The following PAX5 variants were observed in gnomAD, a reference collection of about 807,000 sequenced individuals.
The protein encoded by PAX5 is paired box protein Pax-5.
Under a neutral mutation model 43.7 loss-of-function variants are expected in PAX5, and 9 were observed. The observed-to-expected ratio is 0.21, with a 90% CI of 0.12 to 0.36. The LOEUF is 0.36. Ranked by LOEUF, PAX5 falls within the 10% of genes least tolerant of loss-of-function variation. PAX5 has a pLI of 1.00. For missense variants in PAX5, 383 were observed against 532.7 expected, an observed-to-expected ratio of 0.72 and a Z score of 2.77; for synonymous variants, 228 against 214.3, an observed-to-expected ratio of 1.06 and a Z score of -0.56.
At chr9:36,946,118 T>C (rs1406627880) in intron 6 of PAX5, among the ~76,000 whole-genome samples, 1 of 151,714 alleles carries the variant, frequency 6.6e-6, no homozygotes, top group Non-Finnish European at 1.5e-5. Context: ...AGGAAGCGAC[T>C]CCCTGAGGAG....
intron 5 of PAX5, among the ~76,000 whole-genome samples, chr9:36,982,146 G>A (rs1034973538): frequency 3.9e-5 from 6 of 152,106 alleles, no homozygotes; most frequent in African/African-American, 1.4e-4. Flanking sequence ...ACACCTGTAG[G>A]CCCAGCTACT....
At chr9:36,948,922 T>C (rs891205771) in intron 6 of PAX5, among the ~76,000 whole-genome samples, 5 of 152,174 alleles carry the variant, frequency 3.3e-5, no homozygotes, top group Admixed American at 2.6e-4. Context: ...ACCTCTGATG[T>C]GGCAGAACAC....
intron 9 of PAX5, among the ~76,000 whole-genome samples, chr9:36,845,020 G>T (rs892849690): frequency 1.3e-5 from 2 of 152,214 alleles, no homozygotes; most frequent in Non-Finnish European, 2.9e-5. Flanking sequence ...GTGCAGCCCC[G>T]TGCCAGGGCT....
At chr9:37,007,777 T>G (rs1341804565) in intron 3 of PAX5, 1 of 152,248 alleles carries the variant, frequency 6.6e-6, no homozygotes, top group African/African-American at 2.4e-5. Context: ...AAAACGGTAT[T>G]TTGGTGTATT....
At chr9:36,991,126 A>G in intron 5 of PAX5, among the ~76,000 whole-genome samples, 1 of 139,620 alleles carries the variant, frequency 7.2e-6, no homozygotes, top group African/African-American at 2.6e-5. Context: ...AAAAAAAAAA[A>G]AATTCCAGCA....
Position 36,833,958 on chromosome 9 carries a change from G to A in PAX5, c.*6602C>T. The A allele has an allele frequency of 4.3e-6, 1 of 232,750 alleles. No homozygotes were observed. The highest frequency in any genetic ancestry group is 8.5e-6 in the Non-Finnish European group (1 of 117,896). 14.4% of individuals were successfully genotyped at this position (232,750 alleles called of 1,614,324 possible). A position where few individuals can be genotyped will look rare whatever the true frequency, so the allele number is the denominator to read the frequency against. ...ATATGTATTTCTTTGATGCTGAAAGGTCAGTCCCTAAGACAAAATCAAATG... is the reference window on the plus strand; with the variant it reads ...ATATGTATTTCTTTGATGCTGAAAGATCAGTCCCTAAGACAAAATCAAATG... On this transcript the variant is annotated 3_prime_UTR_variant, in exon 10 of 10. Coordinates refer to ENST00000358127, the MANE Select transcript of PAX5 (RefSeq NM_016734.3).
intron 7 of PAX5, among the ~76,000 whole-genome samples, chr9:36,904,268 C>G (rs1828631233): frequency 6.6e-6 from 1 of 152,140 alleles, no homozygotes; most frequent in Admixed American, 6.5e-5. Flanking sequence ...GAAACCAACT[C>G]TGGGGGAAGA....
intron 6 of PAX5, among the ~76,000 whole-genome samples, chr9:36,931,381 T>G (rs1217748497): frequency 6.6e-6 from 1 of 152,212 alleles, no homozygotes; most frequent in Non-Finnish European, 1.5e-5. Context: ...GCTCTTTGCC[T>G]CTATCACTGG....
At position 37,002,730 on chromosome 9, in the gene PAX5, C is replaced by A; in HGVS notation, c.522G>T (p.Ser174=). 6.2e-7 allele frequency: 1 copy of A among 1,610,520 alleles called. No individual in the cohort carries two copies. Among genetic ancestry groups the A allele is most frequent in the Non-Finnish European group, 8.5e-7 (1 of 1,178,882 alleles). ...VTQVSSVSTD[S]AGSSYSISGI... ...CGCTGATGGAGTACGACGAGCCGGC[C>A]GAATCCGTGCTCACCGAGGACACCT... The change falls in exon 5 of 10, where the codon TCG becomes TCT. Residue 174 remains serine (S), a synonymous_variant. Coordinates refer to ENST00000358127, the MANE Select transcript of PAX5 (RefSeq NM_016734.3).
rs1821799685 is a variant in PAX5, at chr9:36,838,485, GT to G, written c.*2074del. Reference sequence around the variant, plus strand: ...GTTTTCTCTTCTGTTCCACCACCCTGTGGGGGACTTAGGGAACAAAATACTT... The same window carrying G: ...GTTTTCTCTTCTGTTCCACCACCCTGGGGGGACTTAGGGAACAAAATACTT... On this transcript the variant is annotated 3_prime_UTR_variant, in exon 10 of 10. Coordinates refer to ENST00000358127, the MANE Select transcript of PAX5 (RefSeq NM_016734.3). The G allele has an allele frequency of 4.3e-6, 1 of 232,668 alleles. No homozygotes were observed. The allele number at this position is 232,668 out of a possible 1,614,324, so 14.4% of individuals were successfully genotyped here.
chr9:36,935,050 T>C (rs1465860548), intron 6 of PAX5, among the ~76,000 whole-genome samples: 1 of 152,206 alleles, frequency 6.6e-6, no homozygotes, highest in Non-Finnish European at 1.5e-5. Context: ...CTTTATTCAT[T>C]TGTTTCTCCA....
At chr9:36,854,353 A>G (rs946200722) in intron 8 of PAX5, among the ~76,000 whole-genome samples, 1 of 152,244 alleles carries the variant, frequency 6.6e-6, no homozygotes, top group African/African-American at 2.4e-5. Context: ...ACACATGCAT[A>G]TAATGTATCT....
intron 7 of PAX5, among the ~76,000 whole-genome samples, chr9:36,916,838 C>G (rs1829762878): frequency 6.6e-6 from 1 of 152,036 alleles, no homozygotes; most frequent in Admixed American, 6.6e-5. Flanking sequence ...GTGTGCACAA[C>G]CATGCCTGGC....
At chr9:36,855,232 C>T (rs563723992) in intron 8 of PAX5, among the ~76,000 whole-genome samples, 106 of 152,356 alleles carry the variant, frequency 7.0e-4, no homozygotes, top group African/African-American at 2.5e-3. Context: ...CAGGAGGAAA[C>T]AATTGATCGG....
chr9:36,852,594 C>T (rs982705152), intron 8 of PAX5, among the ~76,000 whole-genome samples: 6 of 152,236 alleles, frequency 3.9e-5, no homozygotes, highest in African/African-American at 1.2e-4. Flanking sequence ...GAGGAGGACG[C>T]GGAGCAGAGG....
chr9:37,000,264 T>C (rs913703267), intron 5 of PAX5, among the ~76,000 whole-genome samples: 1 of 152,168 alleles, frequency 6.6e-6, no homozygotes, highest in Non-Finnish European at 1.5e-5. Flanking sequence ...CAAACGTGCA[T>C]ACTCTCAGTG....
At chr9:36,982,740 C>T (rs1021276079) in intron 5 of PAX5, among the ~76,000 whole-genome samples, 10 of 152,192 alleles carry the variant, frequency 6.6e-5, no homozygotes, top group Admixed American at 4.6e-4. Flanking sequence ...GGTCACGTAG[C>T]TTTCACACCT....
chr9:36,887,725 G>GATTTATTATAT lies in PAX5; in HGVS notation c.911-5621_911-5620insATATAATAAAT, dbSNP rs1827023209. ...TATGGGCATAAATCTCCATGACCCT[G>GATTTATTATAT]GATTCGGCAATAGTTTATTGGATAT... On this transcript the variant is annotated intron_variant, in intron 7 of 9. Coordinates refer to ENST00000358127, the MANE Select transcript of PAX5 (RefSeq NM_016734.3). 7.2e-5 allele frequency among the ~76,000 whole-genome samples: 11 copies of GATTTATTATAT among 152,250 alleles called. No homozygotes were observed. In the South Asian group the frequency reaches 2.1e-3, roughly 29 times the overall value.
chr9:36,957,705 G>A (rs1471136736), intron 6 of PAX5, among the ~76,000 whole-genome samples: 7 of 152,124 alleles, frequency 4.6e-5, no homozygotes, highest in East Asian at 1.9e-4. Context: ...CTTTCTATGC[G>A]TGCTATGGTA....
Sources: allele counts gnomAD v4.1 joint callset (sites outside exome capture counted in the v4.1 genomes callset), GRCh38; gene constraint gnomAD v4.1.1; transcripts MANE v1.5; gene names NCBI Gene and HGNC (gene_info 2026-07-23, HGNC 2026-07-21).